The following ANKRD18B variants were observed in gnomAD, a reference collection of about 807,000 sequenced individuals.
ANKRD18B encodes the protein ankyrin repeat domain 18B.
In ANKRD18B, 75 loss-of-function variants were observed where a neutral mutation model predicts 111.8. The ratio of observed to expected loss-of-function variants is 0.67; its 90% confidence interval spans 0.56 to 0.81. ANKRD18B has a LOEUF of 0.81. Among genes scored for constraint, ANKRD18B ranks in the 40% least tolerant of loss-of-function variants. The probability of loss-of-function intolerance (pLI) is 0.00; values close to 1 mark genes in which losing one functional copy is unlikely to be tolerated. For missense variants in ANKRD18B, 1,038 were observed against 1,225.5 expected (o/e 0.85, Z 2.28); for synonymous variants, 356 against 417.3 (o/e 0.85, Z 1.79).
chr9:33,566,382 A>G lies in ANKRD18B; in HGVS notation c.2624A>G (p.Asn875Ser). The change falls in exon 15 of 19, where the codon AAT becomes AGT. Residue 875 changes from asparagine (N) to serine (S), a missense_variant. Physicochemically the swap from Asn to Ser is conservative, Grantham distance 46. Transcript: ENST00000684830. The part of the protein sequence containing the change: ...DKKMLEEKVL[N>S]LKTHMEKDMV... ...AAGATGTTGGAAGAAAAAGTATTAA[A>G]TCTTAAGACACATATGGAAAAAGAT... The G allele has an allele frequency of 6.3e-7, 1 of 1,593,188 alleles. No individual in the cohort carries two copies. The highest frequency in any genetic ancestry group is 8.6e-7 in the Non-Finnish European group (1 of 1,167,334).
At chr9:33,571,221 T>G (rs1026824896) in intron 17 of ANKRD18B, 25 bp from the exon 18 acceptor site, 2 of 852,114 alleles carry the variant, frequency 2.3e-6, no homozygotes, top group Admixed American at 1.1e-4. Flanking sequence ...AACATTATTA[T>G]TATTTTTTTT....
chr9:33,537,582 C>T (rs941564761), intron 6 of ANKRD18B, among the ~76,000 whole-genome samples: 1 of 152,058 alleles, frequency 6.6e-6, no homozygotes, highest in Admixed American at 6.5e-5. Flanking sequence ...ACGAATTGGA[C>T]TTGTTATGCA....
At chr9:33,560,278 A>C (rs541664455) in intron 14 of ANKRD18B, among the ~76,000 whole-genome samples, 1 of 152,330 alleles carries the variant, frequency 6.6e-6, no homozygotes, top group East Asian at 1.9e-4. Flanking sequence ...TCCACCTCAC[A>C]ATTGAATACC....
chr9:33,547,363 T>G (rs1828372224), intron 10 of ANKRD18B, among the ~76,000 whole-genome samples: 1 of 152,140 alleles, frequency 6.6e-6, no homozygotes, highest in Admixed American at 6.6e-5. Context: ...TATGTAGAAG[T>G]GCTTAGTACA....
At chr9:33,543,390 T>C in intron 10 of ANKRD18B, 135 bp downstream of exon 10, 1 of 735,634 alleles carries the variant, frequency 1.4e-6, no homozygotes, top group Non-Finnish European at 2.1e-6. Flanking sequence ...TGTTGAATTT[T>C]AAAATATTTT....
rs761009217 is a variant in ANKRD18B, at chr9:33,567,293, C to A, written c.2933C>A (p.Ser978Tyr). 4.5e-6 allele frequency: 7 copies of A among 1,541,816 alleles called. No individual in the cohort carries two copies. Among genetic ancestry groups the A allele is most frequent in the Non-Finnish European group, 6.1e-6 (7 of 1,144,470 alleles). ...GCAGTAGCATTGAAAGCTAACAGTT[C>A]CATGTCAGAAAAAATAACGAAGTAA... ...AFAVALKANS[S>Y]MSEKITKSDK... Residue 978 changes from serine to tyrosine, a missense_variant, in exon 16 of 19, where the codon TCC (serine) becomes TAC (tyrosine). Ser to Tyr is a moderately radical substitution (Grantham distance 144). Transcript: ENST00000684830.
chr9:33,555,997 G>A (rs948504917), intron 13 of ANKRD18B, among the ~76,000 whole-genome samples, 177 bp downstream of exon 13: 1 of 151,844 alleles, frequency 6.6e-6, no homozygotes, highest in Non-Finnish European at 1.5e-5. Flanking sequence ...CATGTGAGCA[G>A]GAGTCCATGA....
At chr9:33,569,602 C>T (rs1828739737) in intron 17 of ANKRD18B, among the ~76,000 whole-genome samples, 2 of 152,084 alleles carry the variant, frequency 1.3e-5, no homozygotes, top group South Asian at 2.1e-4. Context: ...TAACTCTTTC[C>T]ACCCATAATC....
downstream of ANKRD18B, chr9:33,573,411 G>A (rs1189286450): frequency 1.8e-6 from 1 of 552,956 alleles, no homozygotes; most frequent in Non-Finnish European, 2.3e-6. Context: ...TCTAGATCGG[G>A]GCTCTGTGGG....
At chr9:33,535,829 G>C (rs28662410) in intron 5 of ANKRD18B, among the ~76,000 whole-genome samples, 13,259 of 140,108 alleles carry the variant, frequency 0.095, 611 homozygotes, top group South Asian at 0.11. Context: ...ATTATATATA[G>C]ATTATATAAT....
chr9:33,568,475 A>T (rs1828719696), intron 16 of ANKRD18B, among the ~76,000 whole-genome samples, 196 bp from the exon 17 acceptor site: 2 of 152,218 alleles, frequency 1.3e-5, no homozygotes, highest in Non-Finnish European at 2.9e-5. Context: ...CACCTTAGAA[A>T]CACATATACT....
chr9:33,533,238 A>G (rs1828142591), intron 3 of ANKRD18B, among the ~76,000 whole-genome samples: 1 of 152,184 alleles, frequency 6.6e-6, no homozygotes, highest in Non-Finnish European at 1.5e-5. Context: ...GAGATGACCG[A>G]AGTTAACATG....
chr9:33,543,213 A>C lies in ANKRD18B; in HGVS notation c.1107A>C (p.Glu369Asp). Residue 369 changes from glutamate to aspartate, a missense_variant, in exon 10 of 19, where the codon GAA becomes GAC. This residue lies in a region of ANKRD18B where 205 missense variants were observed against 201.3 expected (regional missense o/e 1.02). Coordinates refer to ENST00000684830, the MANE Select transcript of ANKRD18B (RefSeq NM_001393611.1). Reference protein sequence around the residue: ...KEHNLKVASEEKQERLERSEN... With the variant: ...KEHNLKVASEDKQERLERSEN... The stretch of plus-strand genomic sequence containing the variant: ...ACAACTTAAAAGTGGCTTCAGAGGA[A>C]AAGCAAGAAAGGCTTGAAAGAAGTG... The C allele has an allele frequency of 1.3e-6, 2 of 1,553,102 alleles. No individual in the cohort carries two copies. Among genetic ancestry groups the C allele is most frequent in the Non-Finnish European group, 8.7e-7 (1 of 1,147,538 alleles).
At chr9:33,564,195 A>G (rs185415414) in intron 14 of ANKRD18B, among the ~76,000 whole-genome samples, 1 of 152,336 alleles carries the variant, frequency 6.6e-6, no homozygotes, top group African/African-American at 2.4e-5. Context: ...TTTGGCTTCA[A>G]GTGATTCTCC....
chr9:33,556,085 C>A (rs1284284763), intron 13 of ANKRD18B, among the ~76,000 whole-genome samples: 1 of 151,958 alleles, frequency 6.6e-6, no homozygotes, highest in African/African-American at 2.4e-5. Flanking sequence ...AAAAATAGAT[C>A]TCTGGATGAG....
chr9:33,548,227 A>G lies in ANKRD18B; in HGVS notation c.1439A>G (p.Lys480Arg), dbSNP rs1487681877. ...CTGAATTCAAAATTGGAGAAGGAAA[A>G]ACACAACAAAGAAAGACTAGAAGCT... ...ARLNSKLEKE[K>R]HNKERLEAEV... Residue 480 changes from lysine to arginine, a missense_variant, in exon 11 of 19, where the codon AAA becomes AGA. Around this residue, in one of 4 missense-constraint regions of ANKRD18B, gnomAD observed 205 missense variants for 201.3 expected, o/e 1.02. Coordinates refer to ENST00000684830, the MANE Select transcript of ANKRD18B (RefSeq NM_001393611.1). 6.4e-6 allele frequency: 10 copies of G among 1,551,102 alleles called. No individual in the cohort carries two copies. The highest frequency in any genetic ancestry group is 8.7e-6 in the Non-Finnish European group (10 of 1,146,640).
chr9:33,545,229 G>C (rs190575265), intron 10 of ANKRD18B, among the ~76,000 whole-genome samples: 1 of 152,300 alleles, frequency 6.6e-6, no homozygotes, highest in Admixed American at 6.5e-5. Context: ...AGAAGAAAGA[G>C]AATTGTTGTA....
intron 1 of ANKRD18B, among the ~76,000 whole-genome samples, chr9:33,526,134 C>CT (rs1828021863): frequency 2.0e-5 from 3 of 152,180 alleles, no homozygotes; most frequent in Non-Finnish European, 4.4e-5. Flanking sequence ...ACTTACACTG[C>CT]TGCTTGAAGT....
intron 6 of ANKRD18B, 104 bp downstream of exon 6, chr9:33,537,049 C>A: frequency 1.2e-6 from 1 of 833,510 alleles, no homozygotes; most frequent in Middle Eastern, 3.7e-4. Flanking sequence ...GTAATCCCAG[C>A]ACTTTGGGAG....
Sources: gnomAD v4.1 joint callset for allele counts (sites outside exome capture counted in the v4.1 genomes callset) on GRCh38, gnomAD v4.1.1 for gene constraint, gnomAD v4.1.1 regional missense constraint, MANE v1.5 for transcripts, NCBI Gene and HGNC (gene_info 2026-07-23, HGNC 2026-07-21) for gene names.